The following PCYOX1 variants were observed in gnomAD, a reference collection of about 807,000 sequenced individuals.
PCYOX1 encodes the protein prenylcysteine lyase.
A neutral mutation model predicts 46.4 loss-of-function variants in PCYOX1; 46 were observed. The ratio of observed to expected loss-of-function variants is 0.99; its 90% CI spans 0.78 to 1.27. The LOEUF (loss-of-function observed/expected upper bound fraction) is 1.27, where lower values mean the gene tolerates loss of function less well. PCYOX1 is among the 50% of genes most tolerant of loss of function. PCYOX1 has a pLI of 0.00. For synonymous variants in PCYOX1, 220 were observed against 231.8 expected (o/e 0.95, Z 0.46); for missense variants, 658 against 628.3 (o/e 1.05, Z -0.51).
At chr2:70,262,632 A>G (rs931246930) in intron 3 of PCYOX1, among the ~76,000 whole-genome samples, 4 of 151,492 alleles carry the variant, frequency 2.6e-5, no homozygotes, top group Admixed American at 2.6e-4. Context: ...GGTGCCTGCC[A>G]CTGTGCCTGG....
chr2:70,277,251 C>A lies in PCYOX1; in HGVS notation c.1377C>A (p.Gly459=). 6.2e-7 allele frequency: 1 copy of A among 1,614,166 alleles called. No homozygotes were observed. Among genetic ancestry groups the A allele is most frequent in the Non-Finnish European group, 8.5e-7 (1 of 1,180,022 alleles). The change falls in exon 6 of 6, where the codon GGC becomes GGA. Residue 459 remains glycine (G), a synonymous_variant. Transcript: ENST00000433351. The part of the protein sequence containing the change: ...ILHDRLYYLN[G]IECAASAMEM... ...ATGATCGACTTTATTACCTCAATGG[C>A]ATAGAGTGTGCAGCAAGTGCCATGG... is the stretch of plus-strand genomic sequence containing the variant.
At position 70,277,620 on chromosome 2, in the gene PCYOX1, T is replaced by G. The variant is rs1306039115; in HGVS notation, c.*228T>G. 2 of 428,392 alleles carry G rather than the reference T, an allele frequency of 4.7e-6. No homozygotes were observed. Among genetic ancestry groups the G allele is most frequent in the Non-Finnish European group, 8.3e-6 (2 of 241,092 alleles). 26.5% of individuals were successfully genotyped at this position (428,392 alleles called of 1,614,324 possible). ...TTCTTAAGTATTCTTTCACTATCCATTAGGAGTTTTTCTTAAACTTGTCTG... is the reference window on the plus strand; with the variant it reads ...TTCTTAAGTATTCTTTCACTATCCAGTAGGAGTTTTTCTTAAACTTGTCTG... On this transcript the variant is annotated 3_prime_UTR_variant, in exon 6 of 6. Coordinates refer to ENST00000433351, the MANE Select transcript of PCYOX1 (RefSeq NM_016297.4).
chr2:70,261,337 T>C lies in PCYOX1; in HGVS notation c.445T>C (p.Ser149Pro), dbSNP rs1696433807. ...IKLVWRYGFQ[S>P]LRMHMWVEDV... The stretch of plus-strand genomic sequence containing the variant: ...ATTAGTTTGGCGCTATGGATTTCAA[T>C]CCCTCCGTATGCACATGTGGGTAGA... The change falls in exon 3 of 6, where the codon TCC (serine) becomes CCC (proline). Residue 149 changes from serine (S) to proline (P), a missense_variant. By Grantham distance (74) the Ser-to-Pro change is moderately conservative (BLOSUM62 -1). Transcript: ENST00000433351. 1.2e-6 allele frequency: 2 copies of C among 1,613,362 alleles called. No homozygotes were observed. The highest frequency in any genetic ancestry group is 1.7e-6 in the Non-Finnish European group (2 of 1,179,258).
intron 3 of PCYOX1, among the ~76,000 whole-genome samples, chr2:70,268,055 C>T (rs931246550): frequency 2.6e-5 from 4 of 151,980 alleles, no homozygotes; most frequent in Admixed American, 1.3e-4. Flanking sequence ...GTGATCCACC[C>T]GCCTCAGCCT....
chr2:70,267,150 G>T (rs930624855), intron 3 of PCYOX1, among the ~76,000 whole-genome samples: 2 of 152,068 alleles, frequency 1.3e-5, no homozygotes, highest in Non-Finnish European at 1.5e-5. Flanking sequence ...GTTCCCAGAC[G>T]GCGTCGCGGC....
At chr2:70,258,645 G>T (rs1022838111) in intron 1 of PCYOX1, among the ~76,000 whole-genome samples, 4 of 152,208 alleles carry the variant, frequency 2.6e-5, no homozygotes, top group Non-Finnish European at 5.9e-5. Context: ...CAGTGTTCTG[G>T]CTTGACCTGG....
intron 4 of PCYOX1, 26 bp from the exon 5 acceptor site, chr2:70,275,488 A>G: frequency 6.2e-7 from 1 of 1,611,288 alleles, no homozygotes; most frequent in Non-Finnish European, 8.5e-7. Context: ...GTCAGAATTA[A>G]AACACATTTT....
In PCYOX1 at chr2:70,277,301, A is replaced by G. The variant is rs373253942; in HGVS notation, c.1427A>G (p.Asn476Ser). Reference protein sequence around the residue: ...AMEMSAIAAHNAALLAYHRWN... With the variant: ...AMEMSAIAAHSAALLAYHRWN... ...GAGATGAGTGCCATTGCAGCCCACA[A>G]CGCTGCACTCCTTGCCTATCACCGC... The change falls in exon 6 of 6, where the codon AAC (asparagine) becomes AGC (serine). Residue 476 changes from asparagine to serine, a missense_variant. Coordinates refer to ENST00000433351, the MANE Select transcript of PCYOX1 (RefSeq NM_016297.4). 14 of 1,613,454 alleles carry G rather than the reference A, an allele frequency of 8.7e-6. No individual in the cohort carries two copies. Among genetic ancestry groups the G allele is most frequent in the Admixed American group, 1.7e-5 (1 of 59,988 alleles).
intron 3 of PCYOX1, among the ~76,000 whole-genome samples, chr2:70,267,652 G>A (rs1375022857): frequency 6.6e-6 from 1 of 152,136 alleles, no homozygotes; most frequent in Admixed American, 6.5e-5. Flanking sequence ...AGTCAGGCGT[G>A]GCGGCGCGCG....
intron 3 of PCYOX1, among the ~76,000 whole-genome samples, chr2:70,270,516 C>T (rs1035740309): frequency 1.3e-5 from 2 of 152,228 alleles, no homozygotes; most frequent in African/African-American, 4.8e-5. Flanking sequence ...TCTGCTTCAG[C>T]TGCTCTGGCT....
At chr2:70,261,706 G>A (rs1335125248) in intron 3 of PCYOX1, among the ~76,000 whole-genome samples, 1 of 152,196 alleles carries the variant, frequency 6.6e-6, no homozygotes. Context: ...GATGCAGAAG[G>A]TGGCGGTGTA....
intron 3 of PCYOX1, among the ~76,000 whole-genome samples, chr2:70,263,465 C>T (rs1183210551): frequency 6.6e-6 from 1 of 152,026 alleles, no homozygotes; most frequent in Non-Finnish European, 1.5e-5. Flanking sequence ...AGTATAGGAC[C>T]TACAACATGT....
Position 70,277,111 on chromosome 2 carries a change from C to T in PCYOX1, c.1237C>T (p.Leu413Phe), listed in dbSNP as rs565888631. The T allele has an allele frequency of 7.1e-5, 115 of 1,614,160 alleles. 3 individuals are homozygous for T. The South Asian group carries it at 1.3e-3, about 18-fold the overall frequency. ...YVWKIFSQET[L>F]TKAQILKLFL... ...TTGGAAGATCTTTTCCCAAGAAACT[C>T]TTACTAAAGCACAAATTTTAAAGCT... The change falls in exon 6 of 6, where the codon CTT becomes TTT. Residue 413 changes from leucine (L) to phenylalanine (F), a missense_variant. Leu to Phe is a conservative substitution (Grantham distance 22). Coordinates refer to ENST00000433351, the MANE Select transcript of PCYOX1 (RefSeq NM_016297.4).
chr2:70,276,344 C>T (rs555447983), intron 5 of PCYOX1, among the ~76,000 whole-genome samples: 5 of 148,980 alleles, frequency 3.4e-5, no homozygotes, highest in Admixed American at 6.8e-5. Context: ...GTAGCTGGGA[C>T]TATAGGCGCC....
intron 3 of PCYOX1, among the ~76,000 whole-genome samples, chr2:70,270,430 C>A (rs1225804276): frequency 6.6e-6 from 1 of 152,174 alleles, no homozygotes; most frequent in Non-Finnish European, 1.5e-5. Context: ...TCCAGAGGTC[C>A]TTCCTCTGCC....
chr2:70,270,539 G>A (rs1236434264), intron 3 of PCYOX1, among the ~76,000 whole-genome samples: 1 of 152,152 alleles, frequency 6.6e-6, no homozygotes, highest in East Asian at 1.9e-4. Flanking sequence ...ATTGTTTCTT[G>A]AATGTGCCAG....
At chr2:70,274,808 C>T in intron 3 of PCYOX1, 151 bp from the exon 4 acceptor site, 1 of 624,116 alleles carries the variant, frequency 1.6e-6, no homozygotes, top group South Asian at 1.9e-5. Context: ...AGGTGACCTG[C>T]CCACCTCTGC....
intron 3 of PCYOX1, among the ~76,000 whole-genome samples, chr2:70,266,992 C>T (rs12740318): frequency 7.5e-4 from 114 of 152,256 alleles, no homozygotes; most frequent in Non-Finnish European, 1.1e-3. Flanking sequence ...ACCTCCCAGA[C>T]GGGGTGGCGG....
intron 3 of PCYOX1, among the ~76,000 whole-genome samples, chr2:70,265,011 T>C (rs1696492280): frequency 6.6e-6 from 1 of 151,914 alleles, no homozygotes; most frequent in African/African-American, 2.4e-5. Flanking sequence ...TAGTAAACCA[T>C]GACACTCGAA....
Sources: allele counts gnomAD v4.1 joint callset (sites outside exome capture counted in the v4.1 genomes callset), GRCh38; gene constraint gnomAD v4.1.1; transcripts MANE v1.5; gene names NCBI Gene and HGNC (gene_info 2026-07-23, HGNC 2026-07-21).